The following PCDH15 variants were observed in gnomAD, a reference collection of about 807,000 sequenced individuals.
The protein encoded by PCDH15 is protocadherin related 15, also known as protocadherin-15.
In PCDH15, 129 loss-of-function variants were observed where a neutral mutation model predicts 178.5. That is an observed-to-expected ratio of 0.72 (90% CI 0.63 to 0.84). PCDH15 has a LOEUF of 0.84. PCDH15 is among the 40% of genes least tolerant of loss of function. The pLI is 0.00. For missense variants in PCDH15, 2,230 were observed against 2,099.9 expected, an observed-to-expected ratio of 1.06 and a Z score of -1.21; for synonymous variants, 800 against 732.0, an observed-to-expected ratio of 1.09 and a Z score of -1.50.
chr10:54,493,784 C>T (rs1472685375), intron 3 of PCDH15, among the ~76,000 whole-genome samples: 1 of 152,088 alleles, frequency 6.6e-6, no homozygotes, highest in African/African-American at 2.4e-5. Context: ...GACACATGCA[C>T]ACGTATTTTT....
intron 2 of PCDH15, among the ~76,000 whole-genome samples, chr10:55,502,576 A>C (rs1433021754): frequency 1.3e-5 from 2 of 151,686 alleles, no homozygotes; most frequent in East Asian, 3.9e-4. Flanking sequence ...CTTAAGACTT[A>C]AAAGAGTGCT....
Position 55,175,176 on chromosome 10 carries a change from T to C in PCDH15, c.-155-8525A>G, listed in dbSNP as rs116285726. ...ATGAAGAAGGAAGCACTTTCAGATG[T>C]GCATAGCGGAGGGCTTATGAAGGAC... On this transcript the variant is annotated intron_variant, in intron 1 of 5. Coordinates refer to the PCDH15 transcript ENST00000458638. 7.5e-3 allele frequency among the ~76,000 whole-genome samples: 1,141 copies of C among 152,216 alleles called. 18 individuals are homozygous for C. The highest frequency in any genetic ancestry group is 0.026 in the African/African-American group (1,074 of 41,544).
At chr10:55,202,126 G>T (rs1368288132) in intron 1 of PCDH15, among the ~76,000 whole-genome samples, 1 of 152,070 alleles carries the variant, frequency 6.6e-6, no homozygotes, top group East Asian at 1.9e-4. Context: ...GAAAAATTTT[G>T]AACGGATGAA....
At chr10:53,834,445 C>T (rs564368984) in intron 29 of PCDH15, among the ~76,000 whole-genome samples, 1 of 151,706 alleles carries the variant, frequency 6.6e-6, no homozygotes, top group African/African-American at 2.4e-5. Flanking sequence ...TATTGCTGAT[C>T]CCGTTTTTCC....
At chr10:53,810,764 G>C (rs919700040) in intron 36 of PCDH15, 100 bp from the exon 37 acceptor site, 2 of 1,099,942 alleles carry the variant, frequency 1.8e-6, no homozygotes, top group Non-Finnish European at 2.8e-6. Context: ...CCATTCAATC[G>C]ACAGATATTT....
chr10:54,980,884 A>C (rs1839217396), intron 2 of PCDH15, among the ~76,000 whole-genome samples: 1 of 152,126 alleles, frequency 6.6e-6, no homozygotes, highest in Non-Finnish European at 1.5e-5. Context: ...TATAGAAATG[A>C]GTGAAAAAAT....
At chr10:54,833,449 T>C (rs1378409053) in intron 3 of PCDH15, among the ~76,000 whole-genome samples, 6 of 152,196 alleles carry the variant, frequency 3.9e-5, no homozygotes, top group Admixed American at 3.9e-4. Context: ...GTTGAAGTTC[T>C]TAAGAACAAA....
intron 20 of PCDH15, among the ~76,000 whole-genome samples, chr10:54,001,473 T>C (rs2092131973): frequency 6.6e-6 from 1 of 152,128 alleles, no homozygotes; most frequent in Admixed American, 6.5e-5. Context: ...TTTTTTCTTG[T>C]CTGTTTATGC....
intron 2 of PCDH15, among the ~76,000 whole-genome samples, chr10:54,656,746 G>A (rs1375140911): frequency 6.6e-6 from 1 of 152,122 alleles, no homozygotes; most frequent in Non-Finnish European, 1.5e-5. Context: ...GGGAATGGGG[G>A]TGCACAGACA....
intron 16 of PCDH15, among the ~76,000 whole-genome samples, chr10:54,081,138 A>G (rs1304414100): frequency 6.6e-6 from 1 of 152,146 alleles, no homozygotes; most frequent in Non-Finnish European, 1.5e-5. Context: ...TCCAGGAAAC[A>G]AAACATAACA....
At chr10:55,526,918 G>A (rs181212919) in intron 2 of PCDH15, among the ~76,000 whole-genome samples, 204 of 152,090 alleles carry the variant, frequency 1.3e-3, no homozygotes, top group African/African-American at 4.7e-3. Context: ...TATAGGCAAC[G>A]TCATGAAGTG....
intron 1 of PCDH15, among the ~76,000 whole-genome samples, chr10:54,783,193 A>G (rs962799212): frequency 1.4e-4 from 22 of 152,122 alleles, no homozygotes; most frequent in African/African-American, 5.1e-4. Flanking sequence ...AAAGAAACAG[A>G]TACAAGAAAA....
At chr10:54,629,612 GT>G in intron 2 of PCDH15, among the ~76,000 whole-genome samples, 1 of 152,148 alleles carries the variant, frequency 6.6e-6, no homozygotes, top group South Asian at 2.1e-4. Flanking sequence ...GGAACCATGT[GT>G]GACAAACCTA....
In PCDH15 at chr10:53,822,280, T is replaced by C. The variant is rs1196237951; in HGVS notation, c.4368-2050A>G. 2 of 1,610,302 alleles carry C rather than the reference T, an allele frequency of 1.2e-6. No homozygotes were observed. Among genetic ancestry groups the C allele is most frequent in the Admixed American group, 1.7e-5 (1 of 59,548 alleles). On this transcript the variant is annotated intron_variant, in intron 32 of 37. Coordinates refer to ENST00000644397, the MANE Select transcript of PCDH15 (RefSeq NM_001384140.1). The stretch of plus-strand genomic sequence containing the variant: ...GAAGGAGGTGGTGGAGGAAGAGGAG[T>C]TGGAAATGGAGGTAGAAGAGGTGGT...
intron 3 of PCDH15, among the ~76,000 whole-genome samples, chr10:54,428,901 T>A (rs556038730): frequency 6.6e-6 from 1 of 152,252 alleles, no homozygotes; most frequent in Admixed American, 6.5e-5. Flanking sequence ...CCTTCACAGA[T>A]AAACAAAAGC....
chr10:54,578,909 GA>G (rs1306303324), intron 2 of PCDH15, among the ~76,000 whole-genome samples: 1 of 152,068 alleles, frequency 6.6e-6, no homozygotes, highest in Non-Finnish European at 1.5e-5. Context: ...GCTTTGTAAG[GA>G]AGGGATAAAT....
At chr10:54,824,259 T>G (rs894263979) in intron 3 of PCDH15, among the ~76,000 whole-genome samples, 1 of 152,160 alleles carries the variant, frequency 6.6e-6, no homozygotes, top group African/African-American at 2.4e-5. Context: ...TGAAGCCCAC[T>G]ATTACAGGGG....
At chr10:54,037,331 T>C (rs1399989045) in intron 18 of PCDH15, among the ~76,000 whole-genome samples, 1 of 151,966 alleles carries the variant, frequency 6.6e-6, no homozygotes, top group Non-Finnish European at 1.5e-5. Context: ...GCAAGAAGTA[T>C]TCAATGCAGC....
At chr10:54,327,740 G>C (rs926716340) in intron 7 of PCDH15, among the ~76,000 whole-genome samples, 2 of 151,878 alleles carry the variant, frequency 1.3e-5, no homozygotes, top group African/African-American at 2.4e-5. Context: ...CTATCTATCT[G>C]TTCTGCTGTA....
Sources: gnomAD v4.1 joint callset for allele counts (sites outside exome capture counted in the v4.1 genomes callset) on GRCh38, gnomAD v4.1.1 for gene constraint, MANE v1.5 for transcripts, NCBI Gene and HGNC (gene_info 2026-07-23, HGNC 2026-07-21) for gene names.